The following ZNF469 variants were observed in gnomAD, a reference collection of about 807,000 sequenced individuals.
ZNF469 encodes zinc finger protein 469.
Under a neutral mutation model 1.0 loss-of-function variants are expected in ZNF469, and 1 was observed. The observed-to-expected ratio is 1.00, with a 90% CI of 0.35 to 4.73. The LOEUF (loss-of-function observed/expected upper bound fraction) is 4.73. Ranked by LOEUF, ZNF469 falls within the 30% of genes most tolerant of loss-of-function variation. ZNF469 has a pLI of 0.16. For missense variants in ZNF469, 6,100 were observed against 5,356.3 expected (o/e 1.14, Z -4.33); for synonymous variants, 2,703 against 2,363.4 (o/e 1.14, Z -4.17).
At chr16:88,404,371 C>T (rs1015035919) in intron 1 of ZNF469, among the ~76,000 whole-genome samples, 2 of 152,210 alleles carry the variant, frequency 1.3e-5, no homozygotes, top group African/African-American at 2.4e-5. Flanking sequence ...TGGGCGGCGC[C>T]GGCGGTGCGT....
upstream of ZNF469, among the ~76,000 whole-genome samples, chr16:88,380,331 TCACACATGCGCTCA>T (rs779995712): frequency 4.3e-4 from 21 of 48,450 alleles, 1 homozygote; most frequent in Non-Finnish European, 5.2e-4. Context: ...ACACATGCAC[TCACACATGCGCTCA>T]CACACATGCG....
At position 88,430,422 on chromosome 16, in the gene ZNF469, C is replaced by T. The variant is rs886052398; in HGVS notation, c.2952C>T (p.Asp984=). 8 of 1,519,230 alleles carry T rather than the reference C, an allele frequency of 5.3e-6. No individual in the cohort carries two copies. The African/African-American group carries it at 5.5e-5, about 11-fold the overall frequency. 94.1% of individuals were successfully genotyped at this position (1,519,230 alleles called of 1,614,324 possible). The change falls in exon 3 of 3, where the codon GAC becomes GAT. Residue 984 remains aspartate, a synonymous_variant. Coordinates refer to ENST00000565624, the MANE Select transcript of ZNF469 (RefSeq NM_001367624.2). Reference sequence around the variant, plus strand: ...CCGGCCTGAGGCCCCGGAGGAACGACGGTCTCGGGGAGCGGCCCCCACCCC... The same window carrying T: ...CCGGCCTGAGGCCCCGGAGGAACGATGGTCTCGGGGAGCGGCCCCCACCCC... ...RASGLRPRRN[D]GLGERPPPRP...
the ZNF469 span, among the ~76,000 whole-genome samples, chr16:88,140,158 G>C: frequency 1.3e-3 from 195 of 152,328 alleles, no homozygotes; most frequent in African/African-American, 4.6e-3. Flanking sequence ...AAGAGAAATG[G>C]ATTTGGCATT....
intron 1 of ZNF469, among the ~76,000 whole-genome samples, chr16:88,396,931 T>TCCTGAAGGGAGGCCGGGAGGAGACCCTC (rs1904695264): frequency 9.7e-5 from 2 of 20,590 alleles, no homozygotes; most frequent in Admixed American, 3.6e-4. Flanking sequence ...AGGAGACCCG[T>TCCTGAAGGGAGGCCGGGAGGAGACCCTC]CTGAAGGGAG....
rs1301271460 is a variant in ZNF469, at chr16:88,429,859, T to C, written c.2389T>C (p.Phe797Leu). ...HAGLLSHAKT[F>L]LLAGDAQAEG... ...GGGCTTGCTCAGCCACGCGAAGACC[T>C]TCCTGTTAGCTGGGGACGCCCAGGC... is the stretch of plus-strand genomic sequence containing the variant. Residue 797 changes from phenylalanine to leucine, a missense_variant, in exon 3 of 3, where the codon TTC becomes CTC. Coordinates refer to ENST00000565624, the MANE Select transcript of ZNF469 (RefSeq NM_001367624.2). The C allele has an allele frequency of 1.2e-5, 19 of 1,549,640 alleles. No homozygotes were observed. Among genetic ancestry groups the C allele is most frequent in the Non-Finnish European group, 1.7e-5 (19 of 1,146,726 alleles).
chr16:88,183,188 G>T, the ZNF469 span, among the ~76,000 whole-genome samples: 204 of 152,370 alleles, frequency 1.3e-3, 1 homozygote, highest in African/African-American at 4.6e-3. Flanking sequence ...TGATGAAAAT[G>T]CCGCGCGCCT....
chr16:88,434,672 C>T lies in ZNF469; in HGVS notation c.7202C>T (p.Thr2401Ile), dbSNP rs556181977. 2.6e-6 allele frequency: 4 copies of T among 1,550,424 alleles called. No homozygotes were observed. In the Admixed American group the frequency reaches 5.9e-5, roughly 23 times the overall value. ...ATGCCCAGGGTCACCTGCCCTTCCA[C>T]AGGACTGGGCTTGGGAAGAACCACA... ...TKMPRVTCPSTGLGLGRTTAP... is the reference protein window; with the variant it reads ...TKMPRVTCPSIGLGLGRTTAP... Residue 2401 changes from threonine to isoleucine, a missense_variant, in exon 3 of 3, where the codon ACA becomes ATA. Transcript: ENST00000565624.
At chr16:88,387,070 C>G (rs1904349988) in intron 1 of ZNF469, among the ~76,000 whole-genome samples, 1 of 152,142 alleles carries the variant, frequency 6.6e-6, no homozygotes, top group South Asian at 2.1e-4. Flanking sequence ...CTATACTCTG[C>G]TTGTCGGGCC....
chr16:88,250,255 C>CA, the ZNF469 span, among the ~76,000 whole-genome samples: 2 of 152,234 alleles, frequency 1.3e-5, no homozygotes, highest in African/African-American at 2.4e-5. Flanking sequence ...TCACCTCTAT[C>CA]ACCTTGAGTT....
At chr16:88,131,139 A>G in the ZNF469 span, among the ~76,000 whole-genome samples, 5,032 of 151,984 alleles carry the variant, frequency 0.033, no homozygotes, top group African/African-American at 0.11. Flanking sequence ...CTTTGGAACC[A>G]GTTGGCATTT....
At chr16:88,305,565 TGCACACACGCTCACAG>T in the ZNF469 span, among the ~76,000 whole-genome samples, 1 of 82,984 alleles carries the variant, frequency 1.2e-5, no homozygotes, top group Non-Finnish European at 2.4e-5. Context: ...CCCTCACACG[TGCACACACGCTCACAG>T]GCACACACGC....
the ZNF469 span, among the ~76,000 whole-genome samples, chr16:88,353,622 G>T: frequency 6.6e-6 from 1 of 152,234 alleles, no homozygotes; most frequent in East Asian, 1.9e-4. Context: ...TTCAGAGCAT[G>T]CGCGCGTGTC....
At position 88,431,023 on chromosome 16, in the gene ZNF469, A is replaced by C. The variant is rs1214265662; in HGVS notation, c.3553A>C (p.Arg1185=). The change falls in exon 3 of 3, where the codon AGG becomes CGG. Residue 1185 remains arginine (R), a synonymous_variant. Transcript: ENST00000565624. ...AAGCCTGGAGACGGGAGCGGCCGCCAGGGAGGGAGGCCCCAAGTGTGCTGA... is the reference window on the plus strand; with the variant it reads ...AAGCCTGGAGACGGGAGCGGCCGCCCGGGAGGGAGGCCCCAAGTGTGCTGA... ...SRSLETGAAA[R]EGGPKCADRP... The C allele has an allele frequency of 3.2e-6, 5 of 1,544,946 alleles. No individual in the cohort carries two copies. The highest frequency in any genetic ancestry group is 4.4e-6 in the Non-Finnish European group (5 of 1,146,490).
chr16:88,329,467 G>A, the ZNF469 span, among the ~76,000 whole-genome samples: 9 of 152,212 alleles, frequency 5.9e-5, no homozygotes, highest in African/African-American at 2.2e-4. Context: ...GGGGCTGGGG[G>A]CTGCCTCCCG....
At chr16:88,377,865 G>C in the ZNF469 span, among the ~76,000 whole-genome samples, 13 of 147,658 alleles carry the variant, frequency 8.8e-5, no homozygotes, top group East Asian at 1.4e-3. Flanking sequence ...TCTAGAGCTT[G>C]TTGTTGTTGT....
chr16:88,239,146 C>T, the ZNF469 span, among the ~76,000 whole-genome samples: 6 of 151,970 alleles, frequency 3.9e-5, no homozygotes, highest in East Asian at 1.9e-4. Context: ...TGCCATGGTG[C>T]GGGTGAGGGA....
chr16:88,330,036 C>A, the ZNF469 span, among the ~76,000 whole-genome samples: 1 of 152,246 alleles, frequency 6.6e-6, no homozygotes, highest in South Asian at 2.1e-4. Flanking sequence ...CAGCCTGATG[C>A]CATCCACATG....
chr16:88,324,638 G>A, the ZNF469 span, among the ~76,000 whole-genome samples: 1 of 152,212 alleles, frequency 6.6e-6, no homozygotes, highest in African/African-American at 2.4e-5. Context: ...AGTGCGCCAG[G>A]GTGAGTGCAT....
chr16:88,396,084 C>G (rs1378374603), intron 1 of ZNF469, among the ~76,000 whole-genome samples: 1 of 152,254 alleles, frequency 6.6e-6, no homozygotes, highest in African/African-American at 2.4e-5. Context: ...TCCCCGTAAT[C>G]CCACTCTCAG....
Sources: allele counts gnomAD v4.1 joint callset (sites outside exome capture counted in the v4.1 genomes callset), GRCh38; gene constraint gnomAD v4.1.1; transcripts MANE v1.5; gene names NCBI Gene and HGNC (gene_info 2026-07-23, HGNC 2026-07-21).